The following MAPK4 variants were observed in gnomAD, a reference collection of about 807,000 sequenced individuals.
MAPK4 encodes Erk3-related.
MAPK4 carries 22 observed loss-of-function variants against 47.7 expected under a neutral mutation model. The ratio of observed to expected loss-of-function variants is 0.46; its 90% CI spans 0.33 to 0.66. The LOEUF (loss-of-function observed/expected upper bound fraction) is 0.66. Ranked by LOEUF, MAPK4 falls within the 30% of genes least tolerant of loss-of-function variation. MAPK4 has a pLI of 0.02. For missense variants in MAPK4, 736 were observed against 831.7 expected (o/e 0.88, Z 1.42); for synonymous variants, 390 against 365.7 (o/e 1.07, Z -0.76).
chr18:50,603,375 C>T (rs1568041594), intron 1 of MAPK4, among the ~76,000 whole-genome samples: 1 of 152,208 alleles, frequency 6.6e-6, no homozygotes. Flanking sequence ...ATCCACATCT[C>T]CTCTCACCCT....
At chr18:50,706,805 C>T (rs1005452738) in intron 2 of MAPK4, among the ~76,000 whole-genome samples, 2 of 152,162 alleles carry the variant, frequency 1.3e-5, no homozygotes, top group African/African-American at 2.4e-5. Flanking sequence ...TCCCTCCACC[C>T]ACCTCTCTAC....
At chr18:50,719,171 C>A (rs899176698) in intron 3 of MAPK4, among the ~76,000 whole-genome samples, 1 of 152,008 alleles carries the variant, frequency 6.6e-6, no homozygotes, top group Admixed American at 6.6e-5. Context: ...ACATTTAGGC[C>A]CTGAGTACAA....
At chr18:50,718,424 G>T (rs1380417159) in intron 3 of MAPK4, among the ~76,000 whole-genome samples, 1 of 152,126 alleles carries the variant, frequency 6.6e-6, no homozygotes, top group Non-Finnish European at 1.5e-5. Flanking sequence ...TGCCATGTTG[G>T]CCAGGCTGGT....
intron 1 of MAPK4, among the ~76,000 whole-genome samples, chr18:50,597,009 A>AT (rs1568039205): frequency 6.6e-6 from 1 of 152,150 alleles, no homozygotes; most frequent in Non-Finnish European, 1.5e-5. Flanking sequence ...AAAAGCACAG[A>AT]TTTTGGCATC....
intron 2 of MAPK4, among the ~76,000 whole-genome samples, chr18:50,706,977 C>T (rs547198839): frequency 9.2e-5 from 14 of 152,306 alleles, no homozygotes; most frequent in Non-Finnish European, 4.4e-5. Context: ...TTTTATCAGA[C>T]GGTGAGCTCT....
At chr18:50,566,833 A>G (rs2042202857) in intron 1 of MAPK4, among the ~76,000 whole-genome samples, 1 of 152,344 alleles carries the variant, frequency 6.6e-6, no homozygotes, top group Non-Finnish European at 1.5e-5. Context: ...GAAAGTGGCA[A>G]GAAGAATAAA....
intron 1 of MAPK4, among the ~76,000 whole-genome samples, chr18:50,592,237 A>C (rs756251456): frequency 1.7e-4 from 26 of 152,202 alleles, no homozygotes; most frequent in Non-Finnish European, 3.2e-4. Flanking sequence ...GTTCAAGGAC[A>C]TGCCAAACCT....
intron 4 of MAPK4, among the ~76,000 whole-genome samples, chr18:50,723,918 G>A (rs7239019): frequency 0.16 from 24,786 of 151,474 alleles, 2,185 homozygotes; most frequent in East Asian, 0.26. Flanking sequence ...CTTCCCAGAA[G>A]TATCTGGGGA....
At chr18:50,572,259 G>C (rs2042256385) in intron 1 of MAPK4, among the ~76,000 whole-genome samples, 1 of 152,154 alleles carries the variant, frequency 6.6e-6, no homozygotes, top group African/African-American at 2.4e-5. Flanking sequence ...AGGAGCGAGA[G>C]TTTTTTACAC....
chr18:50,693,482 A>T (rs1321152267), intron 2 of MAPK4, among the ~76,000 whole-genome samples: 1 of 152,208 alleles, frequency 6.6e-6, no homozygotes, highest in Non-Finnish European at 1.5e-5. Context: ...GCAGACTGAG[A>T]ATTCACCAAG....
At chr18:50,561,126 A>T (rs1413377171) in intron 1 of MAPK4, among the ~76,000 whole-genome samples, 1 of 152,178 alleles carries the variant, frequency 6.6e-6, no homozygotes, top group Non-Finnish European at 1.5e-5. Flanking sequence ...GATACCCTGG[A>T]GCCAGCAGTG....
chr18:50,597,284 G>A (rs1471214303), intron 1 of MAPK4, among the ~76,000 whole-genome samples: 2 of 152,186 alleles, frequency 1.3e-5, no homozygotes, highest in African/African-American at 4.8e-5. Flanking sequence ...GGCATAGTCT[G>A]GAGACAGCTT....
At chr18:50,562,632 GAATCTGTTACTCTGAT>G (rs1276210352) in intron 1 of MAPK4, among the ~76,000 whole-genome samples, 1 of 152,154 alleles carries the variant, frequency 6.6e-6, no homozygotes, top group Non-Finnish European at 1.5e-5. Context: ...GAGATTTGAT[GAATCTGTTACTCTGAT>G]AATCTTAGGA....
chr18:50,706,940 G>C (rs1366556735), intron 2 of MAPK4, among the ~76,000 whole-genome samples: 1 of 152,146 alleles, frequency 6.6e-6, no homozygotes, highest in Admixed American at 6.5e-5. Context: ...TTCTTGATTT[G>C]GACCCCATGA....
chr18:50,572,844 A>G (rs576300026), intron 1 of MAPK4, among the ~76,000 whole-genome samples: 1 of 152,310 alleles, frequency 6.6e-6, no homozygotes, highest in Admixed American at 6.5e-5. Context: ...AAGAAATAAT[A>G]ATCACATTAT....
intron 1 of MAPK4, among the ~76,000 whole-genome samples, chr18:50,660,103 G>GATTAC (rs2043154213): frequency 6.6e-6 from 1 of 152,204 alleles, no homozygotes. Flanking sequence ...CCCACCTAGG[G>GATTAC]AGAAAGGCAA....
At chr18:50,619,156 G>A (rs2042709420) in intron 1 of MAPK4, among the ~76,000 whole-genome samples, 1 of 152,176 alleles carries the variant, frequency 6.6e-6, no homozygotes, top group Non-Finnish European at 1.5e-5. Context: ...AGAGATTCCA[G>A]GCTAAAGGTA....
rs555380215 is a variant in MAPK4, at chr18:50,722,723, C to T, written c.853+624C>T. Among the ~76,000 whole-genome samples the T allele has an allele frequency of 4.6e-5, 7 of 152,198 alleles. No homozygotes were observed. In the South Asian group the frequency reaches 6.2e-4, roughly 14 times the overall value. The stretch of plus-strand genomic sequence containing the variant: ...ACACTGGGGGCATTAATTCTGAGCT[C>T]CATTTATTACAGGACAGAAATAGAC... On this transcript the variant is annotated intron_variant, in intron 4 of 5. Transcript: ENST00000400384.
chr18:50,635,641 A>G (rs1281866438), intron 1 of MAPK4, among the ~76,000 whole-genome samples: 1 of 152,226 alleles, frequency 6.6e-6, no homozygotes, highest in Non-Finnish European at 1.5e-5. Flanking sequence ...CAAACTCCTT[A>G]ATGTGATCTG....
Sources: gnomAD v4.1 joint callset for allele counts (sites outside exome capture counted in the v4.1 genomes callset) on GRCh38, gnomAD v4.1.1 for gene constraint, MANE v1.5 for transcripts, NCBI Gene and HGNC (gene_info 2026-07-23, HGNC 2026-07-21) for gene names.